The following ADGRA1 variants were observed in gnomAD, a reference collection of about 807,000 sequenced individuals.
ADGRA1 encodes adhesion G protein-coupled receptor A1.
Under a neutral mutation model 21.3 loss-of-function variants are expected in ADGRA1, and 12 were observed. The ratio of observed to expected loss-of-function variants is 0.56; its 90% CI spans 0.36 to 0.91. The LOEUF (loss-of-function observed/expected upper bound fraction) is 0.91. ADGRA1 is among the 40% of genes least tolerant of loss of function. The probability of loss-of-function intolerance (pLI) is 0.01; values close to 1 mark genes in which losing one functional copy is unlikely to be tolerated. For missense variants in ADGRA1, 790 were observed against 805.6 expected (o/e 0.98, Z 0.23); for synonymous variants, 385 against 368.8 (o/e 1.04, Z -0.50).
At chr10:133,095,716 G>T in intron 2 of ADGRA1, 2 of 1,598,166 alleles carry the variant, frequency 1.3e-6, no homozygotes, top group Non-Finnish European at 1.7e-6. Context: ...GGACGGACAA[G>T]AAGTGTGGCC....
chr10:133,094,798 T>C (rs185840068), intron 2 of ADGRA1, among the ~76,000 whole-genome samples: 1,716 of 152,290 alleles, frequency 0.011, 16 homozygotes, highest in Middle Eastern at 0.031. Context: ...GGAAGAATCC[T>C]GGGGACAAGA....
At position 133,111,657 on chromosome 10, in the gene ADGRA1, CCCACCAGACAA is replaced by C. The variant is rs1852009769; in HGVS notation, c.401+8818_401+8828del. On this transcript the variant is annotated intron_variant, in intron 5 of 6. Transcript: ENST00000392607. ...CCACCACGGACACCTCCCTCCTAAT[CCCACCAGACAA>C]CCTGCCCCCCCGGGAACCATCCCTC... Among the ~76,000 whole-genome samples the C allele has an allele frequency of 1.0e-4, 2 of 19,454 alleles. 1 individual carries two copies. Among genetic ancestry groups the C allele is most frequent in the African/African-American group, 1.4e-3 (2 of 1,382 alleles). The allele number at this position is 19,454 out of a possible 152,430, so 12.8% of individuals were successfully genotyped here.
At chr10:133,110,789 T>C (rs896372038) in intron 5 of ADGRA1, among the ~76,000 whole-genome samples, 2 of 152,184 alleles carry the variant, frequency 1.3e-5, no homozygotes, top group Admixed American at 6.5e-5. Flanking sequence ...TCCAGATTTA[T>C]TTTCCGGAAT....
At chr10:133,095,603 G>A (rs779570875) in intron 2 of ADGRA1, 8 of 1,551,930 alleles carry the variant, frequency 5.2e-6, no homozygotes, top group Non-Finnish European at 8.7e-7. Context: ...CCTGGGGCAG[G>A]GGCCCTATTT....
Position 133,102,694 on chromosome 10 carries a change from C to T in ADGRA1, c.256-3C>T. 1 of 1,594,006 alleles carries T rather than the reference C, an allele frequency of 6.3e-7. No individual in the cohort carries two copies. Among genetic ancestry groups the T allele is most frequent in the Non-Finnish European group, 8.6e-7 (1 of 1,165,142 alleles). On this transcript the variant is annotated splice_polypyrimidine_tract_variant and splice_region_variant and intron_variant, in intron 4 of 6. Transcript: ENST00000392607. ...GGCCTGGCTGACCGCTGCTCCCCCA[C>T]AGGTGGGCATCGTGCTGCACTATTC...
chr10:133,090,166 G>A (rs1349891289), intron 2 of ADGRA1, among the ~76,000 whole-genome samples: 1 of 152,236 alleles, frequency 6.6e-6, no homozygotes, highest in Non-Finnish European at 1.5e-5. Flanking sequence ...CCCCTTCCTC[G>A]CCTCCTCCTC....
At chr10:133,119,580 C>CT (rs1371486061) in intron 5 of ADGRA1, among the ~76,000 whole-genome samples, 2 of 152,180 alleles carry the variant, frequency 1.3e-5, no homozygotes, top group Admixed American at 1.3e-4. Flanking sequence ...AGTCTCAATC[C>CT]TTTGTTGTCA....
In ADGRA1 at chr10:133,130,292, T is replaced by C. The variant is rs1852491163; in HGVS notation, c.*781T>C. 6.6e-6 allele frequency: 1 copy of C among 152,202 alleles called. No homozygotes were observed. Among genetic ancestry groups the C allele is most frequent in the Non-Finnish European group, 1.5e-5 (1 of 68,036 alleles). 9.4% of individuals were successfully genotyped at this position (152,202 alleles called of 1,614,324 possible). On this transcript the variant is annotated 3_prime_UTR_variant, in exon 7 of 7. Transcript: ENST00000392607. Reference sequence around the variant, plus strand: ...TGGGGGGCTTTCACGGGCCCAAGGCTTGGGAAAATGCCCAGACATCCTTTA... The same window carrying C: ...TGGGGGGCTTTCACGGGCCCAAGGCCTGGGAAAATGCCCAGACATCCTTTA...
intron 2 of ADGRA1, chr10:133,089,170 T>C (rs1851557278): frequency 1.8e-6 from 1 of 565,934 alleles, no homozygotes; most frequent in East Asian, 3.5e-5. Context: ...GTGGAATCAT[T>C]TAATCAATGG....
At position 133,129,190 on chromosome 10, in the gene ADGRA1, C is replaced by G. The variant is rs1177610707; in HGVS notation, c.1362C>G (p.Asp454Glu). The G allele has an allele frequency of 1.3e-6, 2 of 1,550,334 alleles. No homozygotes were observed. The highest frequency in any genetic ancestry group is 1.4e-5 in the African/African-American group (1 of 73,060). The change falls in exon 7 of 7, where the codon GAC becomes GAG. Residue 454 changes from aspartate (D) to glutamate (E), a missense_variant. Around this residue, in one of 3 missense-constraint regions of ADGRA1, gnomAD observed 391 missense variants for 351.5 expected, o/e 1.11. Transcript: ENST00000392607. ...LDGSPRSSRT[D>E]SPPSSLDGPA... ...GCAGCCCCCGCAGCTCGCGCACAGA[C>G]AGCCCCCCCAGCTCTCTGGATGGCC...
At chr10:133,092,902 A>G (rs759769639) in intron 2 of ADGRA1, 4 of 1,532,832 alleles carry the variant, frequency 2.6e-6, no homozygotes, top group Non-Finnish European at 2.6e-6. Flanking sequence ...TGAACCTGGA[A>G]GAAGGAGAAG....
chr10:133,112,157 A>G lies in ADGRA1; in HGVS notation c.401+9315A>G, dbSNP rs1034814591. Among the ~76,000 whole-genome samples the G allele has an allele frequency of 2.6e-5, 4 of 152,298 alleles. No individual in the cohort carries two copies. In the South Asian group the frequency reaches 8.3e-4, roughly 32 times the overall value. On this transcript the variant is annotated intron_variant, in intron 5 of 6. Transcript: ENST00000392607. ...TTTTCTGCTCCCTTTGCCAGCCAAA[A>G]GGAAGACACTCCAGAAACAAGCAGA...
chr10:133,116,482 C>T (rs1852162348), intron 5 of ADGRA1, among the ~76,000 whole-genome samples: 1 of 151,058 alleles, frequency 6.6e-6, no homozygotes. Flanking sequence ...TCCCTCAGTC[C>T]CTGTCTGGGG....
chr10:133,093,951 G>A (rs1851645208), intron 2 of ADGRA1, among the ~76,000 whole-genome samples: 1 of 152,276 alleles, frequency 6.6e-6, no homozygotes, highest in Admixed American at 6.5e-5. Context: ...GTTGATAACT[G>A]TAATTTGGAG....
chr10:133,106,597 C>T (rs749852783), intron 5 of ADGRA1, among the ~76,000 whole-genome samples: 26 of 152,242 alleles, frequency 1.7e-4, no homozygotes, highest in East Asian at 1.9e-4. Flanking sequence ...GGCCTCAGGG[C>T]GCAGGGGACT....
Position 133,125,463 on chromosome 10 carries a change from G to A in ADGRA1, c.402-1770G>A, listed in dbSNP as rs376359256. ...GTTTGAGACGGAGTCTCGTTCTGTC[G>A]CCCAGGCTGGAGTGCAGTGGCGCGA... is the stretch of plus-strand genomic sequence containing the variant. On this transcript the variant is annotated intron_variant, in intron 5 of 6. Coordinates refer to ENST00000392607, the MANE Select transcript of ADGRA1 (RefSeq NM_001083909.3). Among the ~76,000 whole-genome samples, 14 of 152,096 alleles carry A rather than the reference G, an allele frequency of 9.2e-5. No individual in the cohort carries two copies. In the South Asian group the frequency reaches 2.1e-3, roughly 23 times the overall value.
At chr10:133,118,538 G>A (rs1213850701) in intron 5 of ADGRA1, among the ~76,000 whole-genome samples, 1 of 152,206 alleles carries the variant, frequency 6.6e-6, no homozygotes, top group Non-Finnish European at 1.5e-5. Context: ...AGGGGAAGGA[G>A]AAGCAGCACC....
rs1852392690 is a variant in ADGRA1, at chr10:133,127,240, C to T, written c.409C>T (p.Leu137Phe). The change falls in exon 6 of 7, where the codon CTC (leucine) becomes TTC (phenylalanine). Residue 137 changes from leucine (L) to phenylalanine (F), a missense_variant. Transcript: ENST00000392607. ...YPRQPLLRFY[L>F]VSGGVPFIIC... ...CGCCTTCCTCCCCGGCAGGTTTTAC[C>T]TCGTCAGCGGAGGGGTCCCCTTTAT... The T allele has an allele frequency of 6.3e-7, 1 of 1,582,228 alleles. No homozygotes were observed. Among genetic ancestry groups the T allele is most frequent in the Admixed American group, 1.9e-5 (1 of 52,704 alleles).
At position 133,129,251 on chromosome 10, in the gene ADGRA1, G is replaced by A. The variant is rs1171935252; in HGVS notation, c.1423G>A (p.Gly475Ser). Residue 475 changes from glycine to serine, a missense_variant, in exon 7 of 7, where the codon GGC becomes AGC. Gly to Ser is a moderately conservative substitution (Grantham distance 56). Coordinates refer to ENST00000392607, the MANE Select transcript of ADGRA1 (RefSeq NM_001083909.3). ...ACACACGCTGGCCTGCTGCACCCAG[G>A]GCGACCCCTTCCCCATGGTCACCCA... is the stretch of plus-strand genomic sequence containing the variant. ...GTHTLACCTQ[G>S]DPFPMVTQPE... 3.2e-6 allele frequency: 5 copies of A among 1,549,688 alleles called. No individual in the cohort carries two copies. The highest frequency in any genetic ancestry group is 1.2e-5 in the South Asian group (1 of 84,098).
Sources: allele counts gnomAD v4.1 joint callset (sites outside exome capture counted in the v4.1 genomes callset), GRCh38; gene constraint gnomAD v4.1.1; regional missense constraint gnomAD v4.1.1; transcripts MANE v1.5; gene names NCBI Gene and HGNC (gene_info 2026-07-23, HGNC 2026-07-21).